Variants in ACVR1 observed in about 807,000 individuals in gnomAD.
ACVR1 encodes the protein activin A receptor type 1.
In ACVR1, 38 loss-of-function variants were observed where a neutral mutation model predicts 57.1. The ratio of observed to expected loss-of-function variants is 0.67; its 90% CI spans 0.51 to 0.87. The LOEUF (loss-of-function observed/expected upper bound fraction) is 0.87, where lower values mean the gene tolerates loss of function less well. ACVR1 is among the 40% of genes least tolerant of loss of function. ACVR1 has a pLI of 0.00. For synonymous variants in ACVR1, 212 were observed against 228.1 expected, an observed-to-expected ratio of 0.93 and a Z score of 0.63; for missense variants, 463 against 638.2, an observed-to-expected ratio of 0.73 and a Z score of 2.96.
intron 9 of ACVR1, among the ~76,000 whole-genome samples, chr2:157,759,839 A>G (rs1685574727): frequency 6.6e-6 from 1 of 152,194 alleles, no homozygotes; most frequent in African/African-American, 2.4e-5. Context: ...CAAAGACAAA[A>G]ACCTCATGAT....
intron 1 of ACVR1, among the ~76,000 whole-genome samples, chr2:157,839,943 G>T (rs1688922069): frequency 6.6e-6 from 1 of 152,120 alleles, no homozygotes; most frequent in Admixed American, 6.6e-5. Flanking sequence ...AACTGGGTCT[G>T]GGATACACCC....
intron 1 of ACVR1, 143 bp downstream of exon 1, chr2:157,875,653 T>TG (rs1302735234): frequency 1.3e-5 from 2 of 148,754 alleles, no homozygotes; most frequent in Non-Finnish European, 3.0e-5. Flanking sequence ...GGATCAAGCT[T>TG]GGGGGAGAAA....
intron 9 of ACVR1, among the ~76,000 whole-genome samples, chr2:157,741,558 T>A (rs779107770): frequency 3.3e-5 from 5 of 149,648 alleles, no homozygotes; most frequent in Non-Finnish European, 7.4e-5. Flanking sequence ...CCAGGAGGCG[T>A]AGGTTGCAGT....
chr2:157,751,058 TCAACGGAC>T (rs1398895253), intron 9 of ACVR1, among the ~76,000 whole-genome samples: 3 of 152,118 alleles, frequency 2.0e-5, no homozygotes, highest in Non-Finnish European at 4.4e-5. Flanking sequence ...GCTGAAAGAA[TCAACGGAC>T]CCTTTGAAGG....
chr2:157,781,369 T>C (rs1272048112), intron 3 of ACVR1, among the ~76,000 whole-genome samples: 2 of 152,352 alleles, frequency 1.3e-5, no homozygotes, highest in South Asian at 2.1e-4. Flanking sequence ...ACCTGTAATA[T>C]AATAAGAGTT....
At chr2:157,758,563 T>G (rs1298654240) in intron 9 of ACVR1, among the ~76,000 whole-genome samples, 1 of 152,004 alleles carries the variant, frequency 6.6e-6, no homozygotes, top group Non-Finnish European at 1.5e-5. Flanking sequence ...GCAAATATTA[T>G]TAAACCTAAA....
rs147744930 is a variant in ACVR1, at chr2:157,791,224, G to A, written c.67+8203C>T. ...GGAACCACTTCTTGCTTATGTTTAC[G>A]TCACCAATGCCTACCAGTGTTGTCA... On this transcript the variant is annotated intron_variant, in intron 3 of 10. Coordinates refer to ENST00000434821, the MANE Select transcript of ACVR1 (RefSeq NM_001111067.4). Among the ~76,000 whole-genome samples the A allele has an allele frequency of 2.5e-4, 38 of 152,236 alleles. 1 individual carries two copies. The East Asian group carries it at 5.8e-3, about 23-fold the overall frequency.
chr2:157,862,082 G>A (rs1689738722), intron 1 of ACVR1, among the ~76,000 whole-genome samples: 1 of 152,054 alleles, frequency 6.6e-6, no homozygotes, highest in South Asian at 2.1e-4. Context: ...TTATCCATTT[G>A]TATTTAAAGA....
At chr2:157,764,179 A>C (rs1445088274) in intron 8 of ACVR1, among the ~76,000 whole-genome samples, 1 of 151,760 alleles carries the variant, frequency 6.6e-6, no homozygotes, top group African/African-American at 2.4e-5. Context: ...ATATATGATC[A>C]CACTATATAT....
chr2:157,774,236 C>A (rs768449887), intron 5 of ACVR1, 49 bp from the exon 6 acceptor site: 1 of 1,476,880 alleles, frequency 6.8e-7, no homozygotes, highest in African/African-American at 1.4e-5. Flanking sequence ...AATATAGCTC[C>A]CACTTTGGAG....
chr2:157,765,017 A>G (rs1315179926), intron 8 of ACVR1, among the ~76,000 whole-genome samples: 1 of 152,198 alleles, frequency 6.6e-6, no homozygotes, highest in Non-Finnish European at 1.5e-5. Flanking sequence ...TTATCAGGCT[A>G]ACAATAATTG....
intron 1 of ACVR1, among the ~76,000 whole-genome samples, chr2:157,852,042 A>G (rs1400992396): frequency 6.6e-6 from 1 of 152,030 alleles, no homozygotes; most frequent in Non-Finnish European, 1.5e-5. Context: ...TTGAATGTGG[A>G]TTCATTTTTT....
At chr2:157,799,650 C>G (rs1184384622) in intron 2 of ACVR1, 150 bp from the exon 3 acceptor site, 1 of 658,298 alleles carries the variant, frequency 1.5e-6, no homozygotes, top group Non-Finnish European at 2.8e-6. Flanking sequence ...CATTTAAACA[C>G]ATACCTTTTA....
chr2:157,855,280 G>A, intron 1 of ACVR1, among the ~76,000 whole-genome samples: 1 of 54,874 alleles, frequency 1.8e-5, no homozygotes, highest in Non-Finnish European at 3.5e-5. Flanking sequence ...GTGTGTGTGT[G>A]TGTGTGTGTG....
rs16842218 is a variant in ACVR1 at position 157,869,975 on chromosome 2, T to A, written c.-183+5821A>T. On this transcript the variant is annotated intron_variant, in intron 1 of 10. Transcript: ENST00000434821. The stretch of plus-strand genomic sequence containing the variant: ...CTGCCTTTATGGTCATGTTTGCTTA[T>A]ATGCATTAACTCACTACTTACAGAG... Among the ~76,000 whole-genome samples the A allele has an allele frequency of 7.0e-3, 1,063 of 152,342 alleles. 8 individuals carry two copies. The highest frequency in any genetic ancestry group is 0.024 in the African/African-American group (989 of 41,566).
chr2:157,838,782 G>T (rs1033793668), intron 1 of ACVR1, among the ~76,000 whole-genome samples: 1 of 152,244 alleles, frequency 6.6e-6, no homozygotes, highest in East Asian at 1.9e-4. Flanking sequence ...CATCTGGGGA[G>T]AACGCACAAC....
chr2:157,761,686 T>C (rs79561112), intron 8 of ACVR1, among the ~76,000 whole-genome samples: 3,589 of 152,258 alleles, frequency 0.024, 141 homozygotes, highest in African/African-American at 0.081. Flanking sequence ...AACTCTCAGG[T>C]TAAATGGCTT....
chr2:157,758,110 A>G (rs1407968085), intron 9 of ACVR1, among the ~76,000 whole-genome samples: 1 of 152,056 alleles, frequency 6.6e-6, no homozygotes, highest in African/African-American at 2.4e-5. Context: ...AAAGGCACAT[A>G]TAGACTGAAA....
chr2:157,751,492 CG>C (rs1559036084), intron 9 of ACVR1, among the ~76,000 whole-genome samples: 1 of 152,212 alleles, frequency 6.6e-6, no homozygotes, highest in Non-Finnish European at 1.5e-5. Context: ...TGTCCAGACT[CG>C]ACAGGTGGGA....
Sources: allele counts gnomAD v4.1 joint callset (sites outside exome capture counted in the v4.1 genomes callset), GRCh38; gene constraint gnomAD v4.1.1; transcripts MANE v1.5; gene names NCBI Gene and HGNC (gene_info 2026-07-23, HGNC 2026-07-21).